Variants in RGS3 observed in about 807,000 individuals in gnomAD.
RGS3 encodes the protein regulator of G protein signaling 3.
In RGS3, 80 loss-of-function variants were observed where a neutral mutation model predicts 132.6. The observed-to-expected ratio is 0.60, with a 90% CI of 0.50 to 0.73. The LOEUF (loss-of-function observed/expected upper bound fraction) is 0.73. Ranked by LOEUF, RGS3 falls within the 30% of genes least tolerant of loss-of-function variation. The probability of loss-of-function intolerance (pLI) is 0.00; values close to 1 mark genes in which losing one functional copy is unlikely to be tolerated. For synonymous variants in RGS3, 598 were observed against 620.6 expected, an observed-to-expected ratio of 0.96 and a Z score of 0.54; for missense variants, 1,382 against 1,530.8, an observed-to-expected ratio of 0.90 and a Z score of 1.62.
At chr9:113,570,878 C>T (rs914610045) in intron 19 of RGS3, among the ~76,000 whole-genome samples, 7 of 152,166 alleles carry the variant, frequency 4.6e-5, no homozygotes, top group Admixed American at 6.5e-5. Flanking sequence ...TCAGGTGATC[C>T]GCCCTCCTCA....
intron 4 of RGS3, among the ~76,000 whole-genome samples, chr9:113,481,995 G>A (rs570018176): frequency 2.7e-5 from 4 of 150,570 alleles, no homozygotes; most frequent in East Asian, 2.0e-4. Flanking sequence ...GCAGTGAGCC[G>A]AGATCGTGCC....
rs760630493 is a variant in RGS3 at position 113,497,304 on chromosome 9, C to T, written c.751-10C>T. 2 of 1,608,470 alleles carry T rather than the reference C, an allele frequency of 1.2e-6. No individual in the cohort carries two copies. Among genetic ancestry groups the T allele is most frequent in the African/African-American group, 2.7e-5 (2 of 74,814 alleles). ...TGTGTCTGAGCGTGCCATTCCTTCT[C>T]TCGTGACAGGAGATCAGTGGTTGGT... On this transcript the variant is annotated splice_polypyrimidine_tract_variant and intron_variant, in intron 8 of 24. Coordinates refer to ENST00000350696, the Ensembl canonical transcript of RGS3.
At chr9:113,516,510 AC>A (rs1831671446) in intron 15 of RGS3, among the ~76,000 whole-genome samples, 1 of 150,744 alleles carries the variant, frequency 6.6e-6, no homozygotes. Flanking sequence ...GGTGCCCACG[AC>A]CATGCCTGGC....
chr9:113,580,868 C>T, intron 19 of RGS3: 1 of 985,736 alleles, frequency 1.0e-6, no homozygotes, highest in Non-Finnish European at 1.2e-6. Context: ...TGGGACAGGC[C>T]TGGGCCCCAC....
At chr9:113,503,861 C>G (rs1225950242) in intron 10 of RGS3, among the ~76,000 whole-genome samples, 10 of 152,210 alleles carry the variant, frequency 6.6e-5, no homozygotes, top group Admixed American at 5.9e-4. Flanking sequence ...AGTGGCTGCT[C>G]CTTTCCCCCA....
intron 17 of RGS3, among the ~76,000 whole-genome samples, chr9:113,526,032 G>T (rs1258992887): frequency 6.6e-6 from 1 of 152,184 alleles, no homozygotes; most frequent in East Asian, 1.9e-4. Context: ...CTAACAATTG[G>T]AACATCTCCG....
chr9:113,585,195 C>G (rs1267707548), intron 20 of RGS3, among the ~76,000 whole-genome samples: 1 of 152,230 alleles, frequency 6.6e-6, no homozygotes, highest in Non-Finnish European at 1.5e-5. Flanking sequence ...AGTGGCCTAA[C>G]AGTGAACAGA....
chr9:113,546,629 G>C (rs1244367350), intron 19 of RGS3, among the ~76,000 whole-genome samples: 4 of 152,182 alleles, frequency 2.6e-5, no homozygotes, highest in Non-Finnish European at 5.9e-5. Context: ...TGATTCTTTG[G>C]ATTCAGAGCT....
chr9:113,574,267 C>T (rs1834413999), intron 19 of RGS3, among the ~76,000 whole-genome samples: 1 of 152,190 alleles, frequency 6.6e-6, no homozygotes, highest in Admixed American at 6.5e-5. Flanking sequence ...CTGCCTCATC[C>T]AACCACCTCC....
rs746581937 is a variant in RGS3 at position 113,463,784 on chromosome 9, C to T, written c.415+1583C>T. 6 of 1,601,610 alleles carry T rather than the reference C, an allele frequency of 3.7e-6. No individual in the cohort carries two copies. Among genetic ancestry groups the T allele is most frequent in the Middle Eastern group, 1.7e-4 (1 of 6,022 alleles). On this transcript the variant is annotated intron_variant, in intron 3 of 24. Coordinates refer to ENST00000350696, the Ensembl canonical transcript of RGS3. The surrounding 1 kb of genome is among the most constrained non-coding windows in gnomAD (Gnocchi z 4.6). ...GCCTCGGGTTGCAGACGCTCCTGTCCGGGTCGCAGTGGGACGCCATGGAGC... is the reference window on the plus strand; with the variant it reads ...GCCTCGGGTTGCAGACGCTCCTGTCTGGGTCGCAGTGGGACGCCATGGAGC...
In RGS3 at chr9:113,506,236, C is replaced by T. The variant is rs1831127332; in HGVS notation, c.980-152C>T. On this transcript the variant is annotated intron_variant, in intron 11 of 24. Transcript: ENST00000350696. This position sits in a 1 kb window ranked among gnomAD's most constrained non-coding sequence, Gnocchi z 4.7. The stretch of plus-strand genomic sequence containing the variant: ...GCCTTCTTTCAAGGCTCTTGAGAGG[C>T]ACCAAGTTCAGTCCCTCATTTCACG... The T allele has an allele frequency of 6.7e-6, 4 of 597,426 alleles. No individual in the cohort carries two copies. The highest frequency in any genetic ancestry group is 3.0e-5 in the Admixed American group (1 of 33,252). The allele number at this position is 597,426 out of a possible 1,614,324, so 37.0% of individuals were successfully genotyped here. A position where few individuals can be genotyped will look rare whatever the true frequency, so the allele number is the denominator to read the frequency against.
Position 113,521,656 on chromosome 9 carries a change from GATGA to G in RGS3, c.1759-1270_1759-1267del, listed in dbSNP as rs1245882026. On this transcript the variant is annotated intron_variant, in intron 16 of 24. Transcript: ENST00000350696. ...CAATTCATTTTATTCATCTTCTCTT[GATGA>G]ATGTTTGTTATTTTCTTAAATTACA... Among the ~76,000 whole-genome samples the G allele has an allele frequency of 3.3e-5, 5 of 152,146 alleles. No individual in the cohort carries two copies. In the East Asian group the frequency reaches 9.6e-4, roughly 29 times the overall value.
At position 113,463,608 on chromosome 9, in the gene RGS3, T is replaced by A; in HGVS notation, c.415+1407T>A. 68 of 775,918 alleles carry A rather than the reference T, an allele frequency of 8.8e-5. No homozygotes were observed. The highest frequency in any genetic ancestry group is 2.1e-4 in the East Asian group (3 of 14,318). 48.1% of individuals were successfully genotyped at this position (775,918 alleles called of 1,614,324 possible). A position where few individuals can be genotyped will look rare whatever the true frequency, so the allele number is the denominator to read the frequency against. ...CGCCTCCCCCACCCCGGCCCAGCTC[T>A]GCTCCGGCAGGTGGAACTCTCCCCA... On this transcript the variant is annotated intron_variant, in intron 3 of 24. Coordinates refer to ENST00000350696, the Ensembl canonical transcript of RGS3. The surrounding 1 kb of genome is among the most constrained non-coding windows in gnomAD (Gnocchi z 4.6).
At chr9:113,570,207 C>G (rs1834225825) in intron 19 of RGS3, 1 of 152,176 alleles carries the variant, frequency 6.6e-6, no homozygotes, top group African/African-American at 2.4e-5. Context: ...TGAATGGATT[C>G]TGTGTCCTGA....
chr9:113,518,959 G>A (rs1182387845), intron 16 of RGS3, among the ~76,000 whole-genome samples: 1 of 152,054 alleles, frequency 6.6e-6, no homozygotes, highest in East Asian at 1.9e-4. Flanking sequence ...AGTTAGAGAT[G>A]GCAGCCACCC....
chr9:113,597,568 C>A (rs899523144), exon 25 of RGS3: 1 of 152,680 alleles, frequency 6.5e-6, no homozygotes, highest in Non-Finnish European at 1.5e-5. Flanking sequence ...GGCAGCTGGC[C>A]TTCTGGACTA....
chr9:113,501,735 TCCTGCTC>T, intron 10 of RGS3: 1 of 1,188,872 alleles, frequency 8.4e-7, no homozygotes, highest in Non-Finnish European at 1.2e-6. Flanking sequence ...CTTTGACCTT[TCCTGCTC>T]CCTGCAGGCT....
chr9:113,450,090 G>C (rs935939371), intron 1 of RGS3, among the ~76,000 whole-genome samples: 12 of 148,658 alleles, frequency 8.1e-5, no homozygotes, highest in Non-Finnish European at 1.8e-4. Flanking sequence ...ACTTTTTTGA[G>C]ACAGAGTCTC....
chr9:113,463,602 CAGCTCTG>C lies in RGS3; in HGVS notation c.415+1402_415+1408del. 2 of 1,087,870 alleles carry C rather than the reference CAGCTCTG, an allele frequency of 1.8e-6. No individual in the cohort carries two copies. Among genetic ancestry groups the C allele is most frequent in the Non-Finnish European group, 2.4e-6 (2 of 826,938 alleles). 67.4% of individuals were successfully genotyped at this position (1,087,870 alleles called of 1,614,324 possible). ...CGGCGCCGCCTCCCCCACCCCGGCC[CAGCTCTG>C]CTCCGGCAGGTGGAACTCTCCCCAT... On this transcript the variant is annotated intron_variant, in intron 3 of 24. Coordinates refer to ENST00000350696, the Ensembl canonical transcript of RGS3. This position sits in a 1 kb window ranked among gnomAD's most constrained non-coding sequence, Gnocchi z 4.6.
Sources: allele counts gnomAD v4.1 joint callset (sites outside exome capture counted in the v4.1 genomes callset), GRCh38; gene constraint gnomAD v4.1.1; non-coding constraint Gnocchi (gnomAD v3.1); transcripts MANE v1.5; gene names NCBI Gene and HGNC (gene_info 2026-07-23, HGNC 2026-07-21).